CDH18: variants seen among roughly 807,000 people sequenced by gnomAD.
CDH18 encodes cadherin-18.
In CDH18, 31 loss-of-function variants were observed where a neutral mutation model predicts 67.9. The observed-to-expected ratio is 0.46, with a 90% confidence interval of 0.34 to 0.62. The LOEUF (loss-of-function observed/expected upper bound fraction) is 0.62, where lower values mean the gene tolerates loss of function less well. Among genes scored for constraint, CDH18 ranks in the 20% least tolerant of loss-of-function variants. The probability of loss-of-function intolerance (pLI) is 0.01; values close to 1 mark genes in which losing one functional copy is unlikely to be tolerated. For missense variants in CDH18, 890 were observed against 975.5 expected (o/e 0.91, Z 1.17); for synonymous variants, 362 against 347.2 (o/e 1.04, Z -0.48).
chr5:19,629,819 AT>A (rs1752138701), intron 5 of CDH18, among the ~76,000 whole-genome samples: 1 of 152,198 alleles, frequency 6.6e-6, no homozygotes, highest in African/African-American at 2.4e-5. Context: ...TTCACACTAT[AT>A]AGGGATCATT....
At position 20,265,936 on chromosome 5, in the gene CDH18, C is replaced by G. The variant is rs537824752; in HGVS notation, c.-579-10431G>C. On this transcript the variant is annotated intron_variant, in intron 1 of 14. Coordinates refer to the CDH18 transcript ENST00000507958. ...ACCTCACAAATGTGGGTGGACATCA[C>G]CAAATCTACTGAAGATCTAAATAAA... Among the ~76,000 whole-genome samples, 54 of 152,280 alleles carry G rather than the reference C, an allele frequency of 3.5e-4. 1 individual carries two copies. The highest frequency in any genetic ancestry group is 1.2e-3 in the African/African-American group (51 of 41,558).
At chr5:19,753,391 C>A (rs538368932) in intron 3 of CDH18, among the ~76,000 whole-genome samples, 1 of 152,250 alleles carries the variant, frequency 6.6e-6, no homozygotes, top group African/African-American at 2.4e-5. Flanking sequence ...GCAAAATTTT[C>A]TGGAAAGTCT....
At chr5:20,247,238 A>C (rs578019123) in intron 2 of CDH18, among the ~76,000 whole-genome samples, 1 of 152,202 alleles carries the variant, frequency 6.6e-6, no homozygotes, top group East Asian at 1.9e-4. Context: ...GGTATATTCT[A>C]TAAAATTGGC....
intron 1 of CDH18, among the ~76,000 whole-genome samples, chr5:20,384,349 T>A (rs1013996246): frequency 1.3e-5 from 2 of 152,188 alleles, no homozygotes; most frequent in African/African-American, 4.8e-5. Flanking sequence ...GCAGTGTTTA[T>A]CCTGAGACTG....
chr5:20,409,940 T>C (rs1238431294), intron 1 of CDH18, among the ~76,000 whole-genome samples: 2 of 151,604 alleles, frequency 1.3e-5, no homozygotes, highest in African/African-American at 2.4e-5. Context: ...GACTGAATTA[T>C]GAAGAAATAG....
intron 1 of CDH18, among the ~76,000 whole-genome samples, chr5:20,448,740 C>G (rs6879762): frequency 0.74 from 112,116 of 151,946 alleles, 41,689 homozygotes; most frequent in Admixed American, 0.84. Context: ...GAGGTATAAA[C>G]AGACGTCTGC....
chr5:20,171,809 G>A (rs888393043), intron 2 of CDH18, among the ~76,000 whole-genome samples: 1 of 151,550 alleles, frequency 6.6e-6, no homozygotes, highest in African/African-American at 2.4e-5. Context: ...TGTCCAGAAT[G>A]TTATTGCTCA....
chr5:19,712,675 T>TTA, intron 5 of CDH18, among the ~76,000 whole-genome samples: 1 of 149,168 alleles, frequency 6.7e-6, no homozygotes, highest in Non-Finnish European at 1.5e-5. Context: ...ACACACATAT[T>TTA]TATATATATG....
chr5:19,801,221 G>C (rs1278557803), intron 3 of CDH18, among the ~76,000 whole-genome samples: 1 of 152,088 alleles, frequency 6.6e-6, no homozygotes, highest in Non-Finnish European at 1.5e-5. Context: ...TTTTTTAAAA[G>C]AATATTTTCA....
chr5:20,195,232 A>G (rs1340135777), intron 2 of CDH18, among the ~76,000 whole-genome samples: 2 of 152,054 alleles, frequency 1.3e-5, no homozygotes, highest in Non-Finnish European at 2.9e-5. Context: ...TCTTAATGTT[A>G]TCCATTACTT....
intron 4 of CDH18, among the ~76,000 whole-genome samples, chr5:19,724,810 G>A (rs553045631): frequency 1.8e-4 from 28 of 152,106 alleles, no homozygotes; most frequent in Non-Finnish European, 2.8e-4. Flanking sequence ...TCAATATACC[G>A]CTAACCTTTC....
intron 5 of CDH18, among the ~76,000 whole-genome samples, chr5:19,701,993 G>A (rs954041355): frequency 1.3e-5 from 2 of 151,932 alleles, no homozygotes; most frequent in African/African-American, 4.8e-5. Flanking sequence ...CATTTATCAT[G>A]ACCTAAGTGG....
chr5:20,149,004 C>A (rs1750885086), intron 2 of CDH18, among the ~76,000 whole-genome samples: 1 of 152,026 alleles, frequency 6.6e-6, no homozygotes, highest in African/African-American at 2.4e-5. Flanking sequence ...TCTAATAAAT[C>A]TAGTTGCTAT....
intron 4 of CDH18, among the ~76,000 whole-genome samples, chr5:19,736,457 A>C (rs564904718): frequency 2.0e-5 from 3 of 152,314 alleles, no homozygotes; most frequent in African/African-American, 7.2e-5. Context: ...TATTCTAGTA[A>C]ATTATTGATC....
At chr5:19,668,830 C>T (rs879485189) in intron 5 of CDH18, among the ~76,000 whole-genome samples, 2 of 152,016 alleles carry the variant, frequency 1.3e-5, no homozygotes, top group Non-Finnish European at 2.9e-5. Flanking sequence ...TGTGTTAACA[C>T]TTCATCCACA....
chr5:20,383,558 T>C (rs901362902), intron 1 of CDH18, among the ~76,000 whole-genome samples: 2 of 152,178 alleles, frequency 1.3e-5, no homozygotes, highest in African/African-American at 2.4e-5. Flanking sequence ...GATGCCTTTA[T>C]TACCTGCAAG....
chr5:19,760,857 G>A (rs76003839), intron 3 of CDH18, among the ~76,000 whole-genome samples: 11 of 152,250 alleles, frequency 7.2e-5, no homozygotes, highest in African/African-American at 2.2e-4. Context: ...CACTGTTGCC[G>A]TTGCCTCAGG....
At chr5:20,200,416 G>A (rs1469870182) in intron 2 of CDH18, among the ~76,000 whole-genome samples, 1 of 152,170 alleles carries the variant, frequency 6.6e-6, no homozygotes. Context: ...GCTCACACCT[G>A]TAATCCCAAG....
chr5:20,434,861 T>C (rs1749050013), intron 1 of CDH18, among the ~76,000 whole-genome samples: 1 of 152,010 alleles, frequency 6.6e-6, no homozygotes, highest in South Asian at 2.1e-4. Flanking sequence ...AGAGTATCCA[T>C]ATACTCCTTC....
Sources: gnomAD v4.1 joint callset for allele counts (sites outside exome capture counted in the v4.1 genomes callset) on GRCh38, gnomAD v4.1.1 for gene constraint, MANE v1.5 for transcripts, NCBI Gene and HGNC (gene_info 2026-07-23, HGNC 2026-07-21) for gene names.